Variants in FGL1 observed in about 807,000 individuals in gnomAD.
The protein encoded by FGL1 is fibrinogen like 1, also known as fibrinogen-like protein 1.
A neutral mutation model predicts 43.7 loss-of-function variants in FGL1; 59 were observed. That is an observed-to-expected ratio of 1.35 (90% confidence interval 1.10 to 1.68). The LOEUF is 1.68. Among genes scored for constraint, FGL1 ranks in the 40% most tolerant of loss-of-function variants. The pLI is 0.00. For missense variants in FGL1, 596 were observed against 373.0 expected, an observed-to-expected ratio of 1.60 and a Z score of -4.92; for synonymous variants, 192 against 126.5, an observed-to-expected ratio of 1.52 and a Z score of -3.48.
chr8:17,874,221 A>T, intron 4 of FGL1, 105 bp from the exon 5 acceptor site: 1 of 1,347,598 alleles, frequency 7.4e-7, no homozygotes, highest in Non-Finnish European at 1.0e-6. Context: ...TTTCTTGATT[A>T]GTTAATTCAT....
At chr8:17,880,140 A>G (rs1374500463) in intron 3 of FGL1, among the ~76,000 whole-genome samples, 2 of 152,176 alleles carry the variant, frequency 1.3e-5, no homozygotes, top group African/African-American at 2.4e-5. Context: ...TCTTCAGGCT[A>G]TAGCCATCCC....
intron 3 of FGL1, among the ~76,000 whole-genome samples, chr8:17,875,058 T>C (rs2053424544): frequency 1.3e-5 from 2 of 152,192 alleles, no homozygotes; most frequent in Non-Finnish European, 2.9e-5. Context: ...ATCTCACCCA[T>C]GAAGCTAAAA....
At chr8:17,875,303 C>T (rs186975887) in intron 3 of FGL1, among the ~76,000 whole-genome samples, 90 of 152,170 alleles carry the variant, frequency 5.9e-4, no homozygotes, top group African/African-American at 2.0e-3. Flanking sequence ...AATCTCTTAG[C>T]CTTATTAGAT....
At chr8:17,888,478 C>T (rs117392770) in intron 1 of FGL1, among the ~76,000 whole-genome samples, 3,301 of 152,194 alleles carry the variant, frequency 0.022, 62 homozygotes, top group South Asian at 0.042. Context: ...CTCTTATTCC[C>T]AGATGTCAAG....
chr8:17,871,632 C>T (rs1037685420), intron 5 of FGL1, among the ~76,000 whole-genome samples: 1 of 152,152 alleles, frequency 6.6e-6, no homozygotes, highest in Admixed American at 6.6e-5. Flanking sequence ...ATTGCCACTA[C>T]TTCTAGTTGA....
rs755402959 is a variant in FGL1 at position 17,885,578 on chromosome 8, G to A, written c.-17-7C>T. ...ATGTTCCCCCTTGAAAAAACTGCAA[G>A]AACAAAAAGAATTTTATAAATGTAT... is the stretch of plus-strand genomic sequence containing the variant. On this transcript the variant is annotated splice_region_variant and splice_polypyrimidine_tract_variant and intron_variant, in intron 1 of 7. Coordinates refer to ENST00000427924, the MANE Select transcript of FGL1 (RefSeq NM_004467.4). The A allele has an allele frequency of 6.2e-7, 1 of 1,610,440 alleles. No homozygotes were observed. The highest frequency in any genetic ancestry group is 8.5e-7 in the Non-Finnish European group (1 of 1,178,034).
intron 3 of FGL1, among the ~76,000 whole-genome samples, chr8:17,881,238 G>A (rs1183090576): frequency 6.6e-6 from 1 of 151,480 alleles, no homozygotes; most frequent in East Asian, 2.0e-4. Context: ...CTGGGTTCAA[G>A]TGATTCTCCT....
At position 17,882,182 on chromosome 8, in the gene FGL1, G is replaced by C. The variant is rs34019488; in HGVS notation, c.64-3C>G. ...TCCTGGGCACAGTCCTCGAGCGCCT[G>C]CAAAACAGGTGAGATGAGATGAGTA... On this transcript the variant is annotated splice_region_variant and splice_polypyrimidine_tract_variant and intron_variant, in intron 2 of 7. Coordinates refer to ENST00000427924, the MANE Select transcript of FGL1 (RefSeq NM_004467.4). 2,150 of 1,610,930 alleles carry C rather than the reference G, an allele frequency of 1.3e-3. 19 individuals carry two copies. In the African/African-American group the frequency reaches 0.021, roughly 16 times the overall value.
chr8:17,879,975 C>T (rs1416166835), intron 3 of FGL1, among the ~76,000 whole-genome samples: 1 of 152,214 alleles, frequency 6.6e-6, no homozygotes, highest in Non-Finnish European at 1.5e-5. Flanking sequence ...GATCCACTGG[C>T]ATCTACGAGT....
chr8:17,878,809 T>C (rs1018237615), intron 3 of FGL1, among the ~76,000 whole-genome samples: 8 of 151,994 alleles, frequency 5.3e-5, no homozygotes, highest in African/African-American at 1.9e-4. Context: ...TTCTACAGAT[T>C]ATATGTATGA....
chr8:17,868,539 A>T lies in FGL1; in HGVS notation c.779+9T>A. On this transcript the variant is annotated intron_variant, in intron 7 of 7. Transcript: ENST00000427924. Reference sequence around the variant, plus strand: ...ACTCCATTACAACTATGCTCATAAGACATCAAACCTGTTAAACCACCAGCC... The same window carrying T: ...ACTCCATTACAACTATGCTCATAAGTCATCAAACCTGTTAAACCACCAGCC... 1 of 1,603,394 alleles carries T rather than the reference A, an allele frequency of 6.2e-7. No homozygotes were observed. Among genetic ancestry groups the T allele is most frequent in the Non-Finnish European group, 8.5e-7 (1 of 1,174,916 alleles).
chr8:17,874,278 G>A (rs1585132865), intron 4 of FGL1, 84 bp downstream of exon 4: 3 of 1,454,610 alleles, frequency 2.1e-6, no homozygotes, highest in East Asian at 2.3e-5. Flanking sequence ...CTAATTAATA[G>A]GCTTCAGGAT....
chr8:17,864,781 A>G (rs772267591), intron 7 of FGL1, 30 bp from the exon 8 acceptor site: 2 of 1,426,926 alleles, frequency 1.4e-6, no homozygotes, highest in Admixed American at 2.7e-5. Context: ...AAAAGAAAAC[A>G]ACAATCAGAC....
intron 3 of FGL1, among the ~76,000 whole-genome samples, chr8:17,879,521 T>A (rs2053503592): frequency 6.6e-6 from 1 of 152,074 alleles, no homozygotes; most frequent in Non-Finnish European, 1.5e-5. Flanking sequence ...TCTCTCTTGG[T>A]ACTCTACAGT....
At chr8:17,885,415 G>T (rs1480305691) in intron 2 of FGL1, 77 bp downstream of exon 2, 4 of 1,254,046 alleles carry the variant, frequency 3.2e-6, no homozygotes, top group Non-Finnish European at 4.6e-6. Context: ...GTCACTATAG[G>T]TTTAATGCAA....
chr8:17,886,001 G>A lies in FGL1; in HGVS notation c.-17-430C>T, dbSNP rs1046217037. Among the ~76,000 whole-genome samples, 9 of 152,080 alleles carry A rather than the reference G, an allele frequency of 5.9e-5. No individual in the cohort carries two copies. The South Asian group carries it at 8.3e-4, about 14-fold the overall frequency. On this transcript the variant is annotated intron_variant, in intron 1 of 7. Transcript: ENST00000427924. ...ACTCCTGGGCTTGAGTGATCCTCCC[G>A]CCTTGGCCTCCCAAAGTGCTGGGAT...
chr8:17,895,047 C>A (rs1367113116), intron 1 of FGL1, among the ~76,000 whole-genome samples: 1 of 151,494 alleles, frequency 6.6e-6, no homozygotes, highest in Non-Finnish European at 1.5e-5. Context: ...TTAAGATAAT[C>A]CAATAATCAA....
At chr8:17,873,584 A>T (rs1266466824) in intron 5 of FGL1, among the ~76,000 whole-genome samples, 5 of 152,126 alleles carry the variant, frequency 3.3e-5, no homozygotes, top group Non-Finnish European at 5.9e-5. Flanking sequence ...TAACTGATAC[A>T]GCATATATAA....
chr8:17,892,048 G>A (rs2053712884), intron 1 of FGL1, among the ~76,000 whole-genome samples: 2 of 152,104 alleles, frequency 1.3e-5, no homozygotes, highest in South Asian at 4.1e-4. Flanking sequence ...TAAGTTTTTA[G>A]TTTGACTCGT....
Sources: allele counts gnomAD v4.1 joint callset (sites outside exome capture counted in the v4.1 genomes callset), GRCh38; gene constraint gnomAD v4.1.1; transcripts MANE v1.5; gene names NCBI Gene and HGNC (gene_info 2026-07-23, HGNC 2026-07-21).